The following ZNF112 variants were observed in gnomAD, a reference collection of about 807,000 sequenced individuals.
ZNF112 encodes the protein zinc finger protein 112, also known as zinc finger protein 112 (Y14).
ZNF112 carries 37 observed loss-of-function variants against 77.7 expected under a neutral mutation model. That is an observed-to-expected ratio of 0.48 (90% confidence interval 0.37 to 0.63). The LOEUF (loss-of-function observed/expected upper bound fraction) is 0.63. ZNF112 is among the 20% of genes least tolerant of loss of function. ZNF112 has a pLI of 0.00. For missense variants in ZNF112, 950 were observed against 1,077.4 expected (o/e 0.88, Z 1.66); for synonymous variants, 333 against 363.6 (o/e 0.92, Z 0.96).
chr19:44,359,618 G>C (rs746256467), upstream of ZNF112, among the ~76,000 whole-genome samples: 1 of 151,982 alleles, frequency 6.6e-6, no homozygotes, highest in Non-Finnish European at 1.5e-5. Context: ...CACTGCATGT[G>C]GCCTACAGTT....
In ZNF112 at chr19:44,356,647, CGCG is replaced by C. The variant is rs1970792508; in HGVS notation, c.-28_-26del. The C allele has an allele frequency of 6.6e-6, 1 of 152,310 alleles. No homozygotes were observed. Among genetic ancestry groups the C allele is most frequent in the African/African-American group, 2.4e-5 (1 of 41,406 alleles). The allele number at this position is 152,310 out of a possible 1,614,324, so 9.4% of individuals were successfully genotyped here. A position where few individuals can be genotyped will look rare whatever the true frequency, so the allele number is the denominator to read the frequency against. ...TCACCTTTCTGGGAGGAACGAAGGCCGCGGCCTAGCGTACCTGGGGCGGAAGTG... is the reference window on the plus strand; with the variant it reads ...TCACCTTTCTGGGAGGAACGAAGGCCGCCTAGCGTACCTGGGGCGGAAGTG... On this transcript the variant is annotated 5_prime_UTR_variant, in exon 1 of 4. Transcript: ENST00000354340.
chr19:44,338,875 C>A (rs1461762654), intron 2 of ZNF112, among the ~76,000 whole-genome samples: 1 of 151,998 alleles, frequency 6.6e-6, no homozygotes, highest in Admixed American at 6.6e-5. Context: ...CCAGTGTGGC[C>A]AACATGGTGA....
At chr19:44,340,603 A>G in intron 1 of ZNF112, 61 bp from the exon 2 acceptor site, 1 of 1,610,230 alleles carries the variant, frequency 6.2e-7, no homozygotes, top group Non-Finnish European at 8.5e-7. Context: ...GAGAAGGTGT[A>G]AAGGACTGGA....
exon 1 of ZNF112, chr19:44,367,100 T>C (rs1970912459): frequency 2.2e-6 from 1 of 456,144 alleles, no homozygotes; most frequent in Admixed American, 2.3e-5. Flanking sequence ...AACCCCATCT[T>C]CCACTGCTAG....
chr19:44,339,893 C>G (rs1970457123), intron 2 of ZNF112, among the ~76,000 whole-genome samples: 1 of 151,890 alleles, frequency 6.6e-6, no homozygotes, highest in African/African-American at 2.4e-5. Context: ...TCAAGTCGTT[C>G]AGAAAAAGAT....
chr19:44,365,021 C>T (rs2571072), intron 1 of ZNF112, among the ~76,000 whole-genome samples: 74,093 of 151,580 alleles, frequency 0.49, 19,805 homozygotes, highest in South Asian at 0.62. Flanking sequence ...TGTTCCCTTC[C>T]CTTTTCGTTT....
chr19:44,341,096 T>C (rs1970481203), intron 1 of ZNF112: 1 of 452,458 alleles, frequency 2.2e-6, no homozygotes, highest in Non-Finnish European at 4.4e-6. Flanking sequence ...CTCATTTGTA[T>C]GGTGAAACTT....
intron 3 of ZNF112, 67 bp downstream of exon 3, chr19:44,336,556 G>A (rs1223306822): frequency 3.0e-6 from 4 of 1,313,568 alleles, no homozygotes; most frequent in Non-Finnish European, 4.4e-6. Flanking sequence ...ACAGAGAAGT[G>A]ATGTGTTCTG....
At chr19:44,339,630 T>C (rs1357623255) in intron 2 of ZNF112, among the ~76,000 whole-genome samples, 1 of 152,190 alleles carries the variant, frequency 6.6e-6, no homozygotes, top group African/African-American at 2.4e-5. Context: ...CTGGGCCTCT[T>C]CCCTAGGCTG....
At chr19:44,346,068 T>C (rs539254768) in intron 1 of ZNF112, among the ~76,000 whole-genome samples, 2 of 152,234 alleles carry the variant, frequency 1.3e-5, no homozygotes, top group African/African-American at 4.8e-5. Context: ...CTTTTAACAC[T>C]GAGCTTGTAT....
At chr19:44,354,866 T>A (rs1970757891) in intron 1 of ZNF112, among the ~76,000 whole-genome samples, 1 of 152,200 alleles carries the variant, frequency 6.6e-6, no homozygotes, top group Admixed American at 6.5e-5. Flanking sequence ...AAGGTACAAT[T>A]CTCTTGCATC....
Position 44,329,404 on chromosome 19 carries a change from G to A in ZNF112, c.753C>T (p.Pro251=). The A allele has an allele frequency of 1.2e-6, 2 of 1,613,992 alleles. No individual in the cohort carries two copies. The highest frequency in any genetic ancestry group is 1.7e-6 in the Non-Finnish European group (2 of 1,179,956). Residue 251 remains proline, a synonymous_variant, in exon 4 of 4, where the codon CCC becomes CCT. Transcript: ENST00000354340. The part of the protein sequence containing the change: ...NQESIQTEEK[P]YPCTGYRKAF... The stretch of plus-strand genomic sequence containing the variant: ...CTTTTCTATACCCAGTACATGGATA[G>A]GGCTTCTCCTCTGTTTGAATTGACT...
At chr19:44,331,937 A>T (rs2123147858) in intron 3 of ZNF112, among the ~76,000 whole-genome samples, 1 of 152,306 alleles carries the variant, frequency 6.6e-6, no homozygotes, top group Admixed American at 6.5e-5. Flanking sequence ...CTGTGGATGA[A>T]ATAAAAATGT....
intron 3 of ZNF112, among the ~76,000 whole-genome samples, chr19:44,333,255 CTTTG>C (rs768357091): frequency 1.3e-5 from 2 of 152,164 alleles, no homozygotes; most frequent in Non-Finnish European, 2.9e-5. Context: ...GAAAAAAAAT[CTTTG>C]TTTATGTCTT....
At chr19:44,357,508 G>T (rs1970805219), upstream of ZNF112, among the ~76,000 whole-genome samples, 1 of 152,088 alleles carries the variant, frequency 6.6e-6, no homozygotes, top group African/African-American at 2.4e-5. Flanking sequence ...AACTGATAGT[G>T]CTGCTGCTAC....
chr19:44,343,279 C>A, intron 1 of ZNF112: 1 of 1,613,152 alleles, frequency 6.2e-7, no homozygotes, highest in South Asian at 1.1e-5. Context: ...TTTTCTCTTT[C>A]TTTTTCTAGA....
chr19:44,363,021 G>A (rs1970868882), intron 1 of ZNF112, among the ~76,000 whole-genome samples: 1 of 152,144 alleles, frequency 6.6e-6, no homozygotes, highest in Admixed American at 6.5e-5. Context: ...CTAGGCTAGA[G>A]TGCAGTGGTA....
chr19:44,347,631 A>G (rs1463517704), intron 1 of ZNF112, among the ~76,000 whole-genome samples: 1 of 146,532 alleles, frequency 6.8e-6, no homozygotes, highest in Non-Finnish European at 1.5e-5. Flanking sequence ...TTACTGTTTT[A>G]CTACTTTTTG....
At chr19:44,332,504 G>C (rs906815153) in intron 3 of ZNF112, among the ~76,000 whole-genome samples, 4 of 152,168 alleles carry the variant, frequency 2.6e-5, no homozygotes, top group Non-Finnish European at 5.9e-5. Flanking sequence ...ATCAGATAAA[G>C]TATATAGCTT....
Sources: gnomAD v4.1 joint callset for allele counts (sites outside exome capture counted in the v4.1 genomes callset) on GRCh38, gnomAD v4.1.1 for gene constraint, MANE v1.5 for transcripts, NCBI Gene and HGNC (gene_info 2026-07-23, HGNC 2026-07-21) for gene names.